FSTL4: variants seen among roughly 807,000 people sequenced by gnomAD.
FSTL4 encodes the protein follistatin-related protein 4.
Under a neutral mutation model 78.2 loss-of-function variants are expected in FSTL4, and 28 were observed. That is an observed-to-expected ratio of 0.36 (90% CI 0.27 to 0.49). The LOEUF is 0.49. Ranked by LOEUF, FSTL4 falls within the 20% of genes least tolerant of loss-of-function variation. The pLI, the probability that FSTL4 is intolerant of heterozygous loss-of-function variation, is 0.98. For missense variants in FSTL4, 922 were observed against 1,084.9 expected (o/e 0.85, Z 2.11); for synonymous variants, 422 against 440.5 (o/e 0.96, Z 0.53).
intron 6 of FSTL4, among the ~76,000 whole-genome samples, chr5:133,287,301 T>C (rs374992803): frequency 1.3e-5 from 2 of 148,868 alleles, no homozygotes; most frequent in East Asian, 3.9e-4. Flanking sequence ...GGCAGGAGAA[T>C]GGCATGAACC....
intron 3 of FSTL4, among the ~76,000 whole-genome samples, chr5:133,404,430 G>C (rs1756308294): frequency 6.6e-6 from 1 of 152,194 alleles, no homozygotes; most frequent in African/African-American, 2.4e-5. Flanking sequence ...TTAATTTATA[G>C]TCATCAAGAA....
chr5:133,501,469 G>A (rs1436354135), intron 3 of FSTL4, among the ~76,000 whole-genome samples: 1 of 152,134 alleles, frequency 6.6e-6, no homozygotes, highest in Non-Finnish European at 1.5e-5. Flanking sequence ...AGTCCTGTTT[G>A]TTAGGCAGAC....
At chr5:133,489,192 G>A (rs542133148) in intron 3 of FSTL4, among the ~76,000 whole-genome samples, 3 of 152,324 alleles carry the variant, frequency 2.0e-5, no homozygotes, top group South Asian at 2.1e-4. Flanking sequence ...TGGAGAACCC[G>A]TTTCTCGGCT....
At chr5:133,259,518 CTT>C (rs3976227) in intron 6 of FSTL4, among the ~76,000 whole-genome samples, 77,899 of 125,926 alleles carry the variant, frequency 0.62, 23,696 homozygotes, top group East Asian at 0.83. Flanking sequence ...ATTTTTTTTT[CTT>C]TTTTTTTTTT....
At chr5:133,660,179 C>T in the FSTL4 span, among the ~76,000 whole-genome samples, 17 of 152,220 alleles carry the variant, frequency 1.1e-4, no homozygotes, top group African/African-American at 3.9e-4. Context: ...ATTTACTAAG[C>T]AGTCACTGTG....
chr5:133,822,219 T>C, the FSTL4 span, among the ~76,000 whole-genome samples: 1 of 152,248 alleles, frequency 6.6e-6, no homozygotes, highest in Admixed American at 6.5e-5. Context: ...AAGAGGTCTC[T>C]GAAGGTAGAT....
Position 133,316,645 on chromosome 5 carries a change from C to A in FSTL4, c.417G>T (p.Thr139=). The change falls in exon 5 of 16, where the codon ACG becomes ACT. Residue 139 remains threonine, a synonymous_variant. Transcript: ENST00000265342. ...HSKDCFLKGD[T]CTMAGYARLK... ...AGCGGGCGTAGCCGGCCATGGTGCA[C>A]GTGTCACCTGAAAGAGAAGGTGAGG... is the stretch of plus-strand genomic sequence containing the variant. 1 of 1,607,430 alleles carries A rather than the reference C, an allele frequency of 6.2e-7. No individual in the cohort carries two copies. Among genetic ancestry groups the A allele is most frequent in the African/African-American group, 1.3e-5 (1 of 74,848 alleles).
chr5:133,826,984 C>G, the FSTL4 span, among the ~76,000 whole-genome samples: 1 of 152,256 alleles, frequency 6.6e-6, no homozygotes, highest in Non-Finnish European at 1.5e-5. Context: ...TCCCCTCTCA[C>G]CACAGAAGGC....
intron 4 of FSTL4, among the ~76,000 whole-genome samples, chr5:133,351,526 C>G (rs912246728): frequency 6.6e-6 from 1 of 152,004 alleles, no homozygotes; most frequent in Non-Finnish European, 1.5e-5. Context: ...TTTTCTTTTT[C>G]TCTCTATGCT....
the FSTL4 span, among the ~76,000 whole-genome samples, chr5:133,826,062 T>C: frequency 6.6e-6 from 1 of 152,224 alleles, no homozygotes; most frequent in Non-Finnish European, 1.5e-5. Context: ...AGGCAACTTC[T>C]GAGCTGAGCA....
chr5:133,774,918 A>C, the FSTL4 span, among the ~76,000 whole-genome samples: 2 of 152,190 alleles, frequency 1.3e-5, no homozygotes, highest in Admixed American at 6.5e-5. Context: ...AAGACTTGAC[A>C]CATAAGTGAA....
intron 8 of FSTL4, among the ~76,000 whole-genome samples, chr5:133,230,415 T>C (rs556979440): frequency 2.1e-4 from 32 of 152,308 alleles, no homozygotes; most frequent in Admixed American, 9.8e-4. Flanking sequence ...GCCAGTGTTC[T>C]AGAACAAAAT....
chr5:133,704,550 C>A, the FSTL4 span, among the ~76,000 whole-genome samples: 1 of 152,184 alleles, frequency 6.6e-6, no homozygotes, highest in South Asian at 2.1e-4. Context: ...TCAAAGGCAC[C>A]GGGTTGCCAT....
chr5:133,565,293 A>T (rs1253558623), intron 3 of FSTL4, among the ~76,000 whole-genome samples: 2 of 152,200 alleles, frequency 1.3e-5, no homozygotes, highest in East Asian at 3.8e-4. Flanking sequence ...ATACTTGTAC[A>T]CTGTTCTGGA....
the FSTL4 span, among the ~76,000 whole-genome samples, chr5:133,621,661 C>T: frequency 6.6e-6 from 1 of 151,996 alleles, no homozygotes; most frequent in South Asian, 2.1e-4. Context: ...GTATACTGCT[C>T]GGGTGAAGGG....
the FSTL4 span, among the ~76,000 whole-genome samples, chr5:133,648,820 C>T: frequency 6.6e-6 from 1 of 152,122 alleles, no homozygotes; most frequent in African/African-American, 2.4e-5. Flanking sequence ...ATCAGCATCC[C>T]CCACAAGAGT....
chr5:133,253,315 A>G (rs1050918904), intron 6 of FSTL4, among the ~76,000 whole-genome samples: 1 of 152,268 alleles, frequency 6.6e-6, no homozygotes, highest in Admixed American at 6.5e-5. Context: ...TGAGCAGGGC[A>G]GGCCACCTGG....
chr5:133,755,852 A>G, the FSTL4 span, among the ~76,000 whole-genome samples: 1 of 152,198 alleles, frequency 6.6e-6, no homozygotes, highest in Non-Finnish European at 1.5e-5. Flanking sequence ...TGTTCAGCCC[A>G]TCTTCTCTTC....
chr5:133,200,252 G>GACTA (rs1393939368), intron 15 of FSTL4, among the ~76,000 whole-genome samples: 2 of 152,372 alleles, frequency 1.3e-5, no homozygotes, highest in Non-Finnish European at 2.9e-5. Context: ...CTGTTTTCTA[G>GACTA]ACTAACTGGC....
Sources: allele counts gnomAD v4.1 joint callset (sites outside exome capture counted in the v4.1 genomes callset), GRCh38; gene constraint gnomAD v4.1.1; transcripts MANE v1.5; gene names NCBI Gene and HGNC (gene_info 2026-07-23, HGNC 2026-07-21).